The following IMMP2L variants were observed in gnomAD, a reference collection of about 807,000 sequenced individuals.
IMMP2L encodes mitochondrial inner membrane protease subunit 2.
IMMP2L carries 18 observed loss-of-function variants against 19.3 expected under a neutral mutation model. The ratio of observed to expected loss-of-function variants is 0.93; its 90% CI spans 0.64 to 1.38. The LOEUF is 1.38. IMMP2L is among the 40% of genes most tolerant of loss of function. IMMP2L has a pLI of 0.00. For missense variants in IMMP2L, 233 were observed against 218.2 expected, an observed-to-expected ratio of 1.07 and a Z score of -0.43; for synonymous variants, 76 against 73.0, an observed-to-expected ratio of 1.04 and a Z score of -0.21.
intron 3 of IMMP2L, among the ~76,000 whole-genome samples, chr7:111,055,163 A>G (rs934961080): frequency 2.0e-5 from 3 of 151,548 alleles, no homozygotes; most frequent in Admixed American, 6.6e-5. Flanking sequence ...CAAGCTTCCC[A>G]TCTCAGCCTC....
At chr7:111,124,057 C>A (rs775705350) in intron 3 of IMMP2L, 2 of 1,613,892 alleles carry the variant, frequency 1.2e-6, no homozygotes, top group East Asian at 4.5e-5. Flanking sequence ...TGAGAGCTTT[C>A]CTTCTAATCT....
At chr7:111,559,703 G>A (rs1791796268) in intron 1 of IMMP2L, among the ~76,000 whole-genome samples, 1 of 152,060 alleles carries the variant, frequency 6.6e-6, no homozygotes, top group South Asian at 2.1e-4. Flanking sequence ...TGACCACATA[G>A]AAAAACAGGG....
At chr7:110,944,462 T>C (rs778499960) in intron 4 of IMMP2L, among the ~76,000 whole-genome samples, 3 of 151,708 alleles carry the variant, frequency 2.0e-5, no homozygotes, top group African/African-American at 4.8e-5. Context: ...TGTGTGTGTG[T>C]GCGCGCGCAC....
intron 4 of IMMP2L, among the ~76,000 whole-genome samples, chr7:110,926,109 C>A (rs1814821770): frequency 6.6e-6 from 1 of 151,960 alleles, no homozygotes; most frequent in Non-Finnish European, 1.5e-5. Flanking sequence ...AACATTAAAA[C>A]AACAATTTTT....
intron 3 of IMMP2L, among the ~76,000 whole-genome samples, chr7:110,972,962 A>G (rs923045049): frequency 4.6e-5 from 7 of 152,106 alleles, no homozygotes; most frequent in Non-Finnish European, 7.4e-5. Context: ...GGTTAGCCTG[A>G]AAAACTTCTA....
chr7:110,669,095 GTATATATA>G (rs1390121538), intron 5 of IMMP2L, among the ~76,000 whole-genome samples: 6 of 88,936 alleles, frequency 6.7e-5, no homozygotes, highest in African/African-American at 4.8e-4. Context: ...GTGTGTATAT[GTATATATA>G]TATATAGAGA....
At chr7:111,426,240 TA>T (rs1836061808) in intron 3 of IMMP2L, among the ~76,000 whole-genome samples, 1 of 151,252 alleles carries the variant, frequency 6.6e-6, no homozygotes, top group Non-Finnish European at 1.5e-5. Flanking sequence ...ATATGTACAT[TA>T]ATCCCTCCTT....
intron 5 of IMMP2L, among the ~76,000 whole-genome samples, chr7:110,669,945 C>G (rs116358425): frequency 6.6e-6 from 1 of 152,170 alleles, no homozygotes; most frequent in Admixed American, 6.6e-5. Context: ...CTAGGTCCCA[C>G]GTTCTTTCCT....
At chr7:111,321,400 C>T (rs1054300809) in intron 3 of IMMP2L, among the ~76,000 whole-genome samples, 1 of 151,924 alleles carries the variant, frequency 6.6e-6, no homozygotes, top group African/African-American at 2.4e-5. Context: ...AATCTCCATC[C>T]ATTTTGAGTG....
intron 4 of IMMP2L, among the ~76,000 whole-genome samples, chr7:110,922,970 A>G (rs1299175687): frequency 6.6e-6 from 1 of 152,156 alleles, no homozygotes; most frequent in Non-Finnish European, 1.5e-5. Flanking sequence ...GTTGTTTCAA[A>G]GCCTTTTATT....
In IMMP2L at chr7:110,953,638, T is replaced by C. The variant is rs749847701; in HGVS notation, c.305+9862A>G. ...GTGCCACAATAAACATATATGTGCA[T>C]GTGTCTTTACAGTAGAATGATCCAT... On this transcript the variant is annotated intron_variant, in intron 4 of 5. Transcript: ENST00000405709. 2.0e-5 allele frequency among the ~76,000 whole-genome samples: 3 copies of C among 152,154 alleles called. No individual in the cohort carries two copies. In the South Asian group the frequency reaches 6.2e-4, roughly 31 times the overall value.
chr7:111,228,120 T>C (rs1813307181), intron 3 of IMMP2L, among the ~76,000 whole-genome samples: 1 of 152,126 alleles, frequency 6.6e-6, no homozygotes, highest in Non-Finnish European at 1.5e-5. Context: ...GATTATCTGC[T>C]GTTGAAATAC....
At chr7:110,673,879 A>G (rs1373759959) in intron 5 of IMMP2L, among the ~76,000 whole-genome samples, 1 of 152,170 alleles carries the variant, frequency 6.6e-6, no homozygotes, top group Non-Finnish European at 1.5e-5. Context: ...GTCTCTAGGA[A>G]GTTCCAAACT....
At chr7:110,863,037 A>T (rs748867983) in intron 5 of IMMP2L, among the ~76,000 whole-genome samples, 1 of 152,038 alleles carries the variant, frequency 6.6e-6, no homozygotes, top group Non-Finnish European at 1.5e-5. Flanking sequence ...TACTCTGGCT[A>T]CTGCTGTTGC....
chr7:111,528,499 C>T (rs113344294), intron 1 of IMMP2L, among the ~76,000 whole-genome samples: 3,458 of 152,184 alleles, frequency 0.023, 141 homozygotes, highest in African/African-American at 0.079. Context: ...TCAAGTGAAA[C>T]CATATTTGCC....
intron 2 of IMMP2L, among the ~76,000 whole-genome samples, chr7:111,508,698 A>T (rs889891822): frequency 7.2e-5 from 11 of 152,114 alleles, no homozygotes; most frequent in Admixed American, 4.6e-4. Flanking sequence ...CAAAGACACC[A>T]CTCAAAGGTG....
rs1356567071 is a variant in IMMP2L at position 110,886,595 on chromosome 7, G to A, written c.406C>T (p.Pro136Ser). Residue 136 changes from proline (P) to serine (S), a missense_variant and splice_region_variant, in exon 5 of 6, where the codon CCG (proline) becomes TCG (serine). Transcript: ENST00000405709. ...GHSFDSNSFGPVSLGLLHAHA... is the reference protein window; with the variant it reads ...GHSFDSNSFGSVSLGLLHAHA... Reference sequence around the variant, plus strand: ...CAAGAAGATAAAAGATGACTTACCGGCCCAAAAGAATTACTGTCAAAACTG... The same window carrying A: ...CAAGAAGATAAAAGATGACTTACCGACCCAAAAGAATTACTGTCAAAACTG... The A allele has an allele frequency of 1.3e-6, 2 of 1,560,886 alleles. No individual in the cohort carries two copies. The highest frequency in any genetic ancestry group is 1.8e-6 in the Non-Finnish European group (2 of 1,132,148).
intron 3 of IMMP2L, among the ~76,000 whole-genome samples, chr7:111,129,261 T>C (rs1463680878): frequency 6.6e-6 from 1 of 152,056 alleles, no homozygotes; most frequent in Non-Finnish European, 1.5e-5. Context: ...TTCATCACAA[T>C]GCTGATTTTC....
chr7:111,010,520 A>C, intron 3 of IMMP2L, among the ~76,000 whole-genome samples: 1 of 152,120 alleles, frequency 6.6e-6, no homozygotes, highest in East Asian at 1.9e-4. Flanking sequence ...TTTCCATTAA[A>C]ACTATGGAGA....
Sources: allele counts gnomAD v4.1 joint callset (sites outside exome capture counted in the v4.1 genomes callset), GRCh38; gene constraint gnomAD v4.1.1; transcripts MANE v1.5; gene names NCBI Gene and HGNC (gene_info 2026-07-23, HGNC 2026-07-21).